CHD1L: variants seen among roughly 807,000 people sequenced by gnomAD.
The protein encoded by CHD1L is ATP-dependent chromatin remodeler CHD1L.
CHD1L carries 118 observed loss-of-function variants against 115.9 expected under a neutral mutation model. That is an observed-to-expected ratio of 1.02 (90% confidence interval 0.88 to 1.19). The LOEUF (loss-of-function observed/expected upper bound fraction) is 1.19, where lower values mean the gene tolerates loss of function less well. Ranked by LOEUF, CHD1L falls within the 50% of genes most tolerant of loss-of-function variation. CHD1L has a pLI of 0.00. For synonymous variants in CHD1L, 411 were observed against 387.1 expected (o/e 1.06, Z -0.72); for missense variants, 1,179 against 1,065.3 (o/e 1.11, Z -1.49).
intron 19 of CHD1L, among the ~76,000 whole-genome samples, chr1:147,290,448 C>T (rs1426855319): frequency 3.3e-5 from 5 of 152,098 alleles, no homozygotes; most frequent in Non-Finnish European, 7.4e-5. Flanking sequence ...TCCTTGGCTA[C>T]AAGGATTAGT....
chr1:147,191,939 T>G, the CHD1L span, among the ~76,000 whole-genome samples: 1 of 152,090 alleles, frequency 6.6e-6, no homozygotes, highest in East Asian at 1.9e-4. Context: ...TGAAGTCAGG[T>G]AGCGTGATGC....
chr1:147,178,769 CTG>C, the CHD1L span: 1 of 1,602,418 alleles, frequency 6.2e-7, no homozygotes, highest in Admixed American at 1.7e-5. Flanking sequence ...GAGGACAAGA[CTG>C]TGGCATATAC....
At chr1:147,291,353 G>T (rs1276360197) in intron 19 of CHD1L, 129 bp from the exon 20 acceptor site, 1 of 727,962 alleles carries the variant, frequency 1.4e-6, no homozygotes, top group East Asian at 2.6e-5. Flanking sequence ...GGCCAGGAAA[G>T]TGAGAAAGGG....
At chr1:147,286,851 C>G (rs1046879184) in intron 18 of CHD1L, among the ~76,000 whole-genome samples, 4 of 152,132 alleles carry the variant, frequency 2.6e-5, no homozygotes, top group African/African-American at 7.2e-5. Context: ...CCTTGCTTGA[C>G]CTTTGTACTT....
the CHD1L span, among the ~76,000 whole-genome samples, chr1:147,185,811 A>G: frequency 6.6e-6 from 1 of 152,234 alleles, no homozygotes; most frequent in Non-Finnish European, 1.5e-5. Flanking sequence ...TGAAACTTCC[A>G]CAGATGAGAA....
chr1:147,217,545 C>T, the CHD1L span, among the ~76,000 whole-genome samples: 294 of 152,278 alleles, frequency 1.9e-3, 1 homozygote, highest in Non-Finnish European at 3.5e-3. Context: ...CTTTGTCCAC[C>T]TTTAGGATTG....
chr1:147,188,990 T>G, the CHD1L span, among the ~76,000 whole-genome samples: 1 of 152,082 alleles, frequency 6.6e-6, no homozygotes, highest in Non-Finnish European at 1.5e-5. Flanking sequence ...AGAGAGCAGT[T>G]TCCGGCCAGG....
chr1:147,219,086 AAATGAATTAGTT>A, the CHD1L span, among the ~76,000 whole-genome samples: 1 of 152,240 alleles, frequency 6.6e-6, no homozygotes, highest in South Asian at 2.1e-4. Context: ...AAATGCTTTG[AAATGAATTAGTT>A]AATGAATTAT....
chr1:147,256,649 C>T, intron 5 of CHD1L, 87 bp downstream of exon 5: 2 of 1,278,398 alleles, frequency 1.6e-6, no homozygotes, highest in Non-Finnish European at 2.3e-6. Flanking sequence ...TTTGCCTCTC[C>T]TGGCATGTCT....
the CHD1L span, chr1:147,190,298 C>A: frequency 8.8e-7 from 1 of 1,132,190 alleles, no homozygotes; most frequent in Non-Finnish European, 1.3e-6. Context: ...TCAGAAGGAA[C>A]AATAATCCTA....
intron 15 of CHD1L, among the ~76,000 whole-genome samples, chr1:147,284,101 C>G (rs1408440798): frequency 6.6e-6 from 1 of 152,164 alleles, no homozygotes; most frequent in Non-Finnish European, 1.5e-5. Flanking sequence ...GATTCACAAA[C>G]CATCTAGGGA....
At chr1:147,193,878 G>T in the CHD1L span, among the ~76,000 whole-genome samples, 920 of 152,214 alleles carry the variant, frequency 6.0e-3, 14 homozygotes, top group African/African-American at 0.021. Flanking sequence ...GAGACAGTTT[G>T]TTATAATTTC....
intron 19 of CHD1L, among the ~76,000 whole-genome samples, chr1:147,288,327 A>AAAAAAAAAG (rs1684111146): frequency 8.1e-3 from 12 of 1,482 alleles, no homozygotes; most frequent in Non-Finnish European, 0.024. Context: ...TGTTTCAATA[A>AAAAAAAAAG]AAAAAAAAAA....
Position 147,287,751 on chromosome 1 carries a change from G to T in CHD1L, c.2320+18G>T. The T allele has an allele frequency of 2.5e-6, 4 of 1,606,674 alleles. No individual in the cohort carries two copies. The highest frequency in any genetic ancestry group is 1.1e-5 in the South Asian group (1 of 90,798). On this transcript the variant is annotated intron_variant, in intron 19 of 22. Transcript: ENST00000369258. ...AATGAAAGGTAAGAAGCAAAGCAGAGGGAAAGGTTAAGGGTGGAATAAGAG... is the reference window on the plus strand; with the variant it reads ...AATGAAAGGTAAGAAGCAAAGCAGATGGAAAGGTTAAGGGTGGAATAAGAG...
chr1:147,282,598 A>G (rs1395477804), intron 15 of CHD1L, among the ~76,000 whole-genome samples: 2 of 152,178 alleles, frequency 1.3e-5, no homozygotes, highest in Non-Finnish European at 2.9e-5. Context: ...GATCTTTTTT[A>G]AAATTCCTTT....
chr1:147,252,525 T>C, intron 1 of CHD1L, 98 bp from the exon 2 acceptor site: 1 of 887,054 alleles, frequency 1.1e-6, no homozygotes, highest in Non-Finnish European at 1.8e-6. Flanking sequence ...TAGGGTTATG[T>C]GAATTTAGGC....
At chr1:147,213,864 C>T in the CHD1L span, among the ~76,000 whole-genome samples, 1 of 152,082 alleles carries the variant, frequency 6.6e-6, no homozygotes, top group Non-Finnish European at 1.5e-5. Flanking sequence ...TGTCTTCTTA[C>T]CCTAGGTTCT....
the CHD1L span, among the ~76,000 whole-genome samples, chr1:147,227,512 A>G: frequency 6.6e-6 from 1 of 152,216 alleles, no homozygotes; most frequent in African/African-American, 2.4e-5. Flanking sequence ...TGTTGTATTA[A>G]AATTACTTAT....
chr1:147,259,745 T>C (rs1553942612), intron 5 of CHD1L, 92 bp from the exon 6 acceptor site: 3 of 1,102,080 alleles, frequency 2.7e-6, no homozygotes, highest in East Asian at 4.8e-5. Context: ...TTAAGTCTTT[T>C]TAATAACAGT....
Sources: allele counts gnomAD v4.1 joint callset (sites outside exome capture counted in the v4.1 genomes callset), GRCh38; gene constraint gnomAD v4.1.1; transcripts MANE v1.5; gene names NCBI Gene and HGNC (gene_info 2026-07-23, HGNC 2026-07-21).